Variants in ARK2C observed in about 807,000 individuals in gnomAD.
The protein encoded by ARK2C is E3 ubiquitin-protein ligase ARK2C.
At chr18:46,411,401 C>T in the ARK2C span, among the ~76,000 whole-genome samples, 6 of 152,180 alleles carry the variant, frequency 3.9e-5, no homozygotes, top group South Asian at 2.1e-4. Flanking sequence ...CTGAATAGGA[C>T]GTATGCTCTG....
At chr18:46,373,232 T>C in the ARK2C span, among the ~76,000 whole-genome samples, 1 of 152,260 alleles carries the variant, frequency 6.6e-6, no homozygotes, top group African/African-American at 2.4e-5. Context: ...GCTTGATCCC[T>C]GGCTCTTGGA....
At chr18:46,363,945 CTTT>C in the ARK2C span, among the ~76,000 whole-genome samples, 4 of 125,568 alleles carry the variant, frequency 3.2e-5, no homozygotes, top group Non-Finnish European at 6.7e-5. Context: ...TTTTTCTTTT[CTTT>C]TTTTTTTTTT....
the ARK2C span, among the ~76,000 whole-genome samples, chr18:46,449,501 G>A: frequency 2.0e-5 from 3 of 152,202 alleles, no homozygotes; most frequent in South Asian, 2.1e-4. Context: ...GCAGTGCAGA[G>A]TAGGAGTGAT....
At chr18:46,435,213 C>T in the ARK2C span, 106 of 1,340,114 alleles carry the variant, frequency 7.9e-5, 1 homozygote, top group South Asian at 2.6e-4. Context: ...CAGGCTGCCC[C>T]GGTTTCTCAG....
chr18:46,373,555 C>T, the ARK2C span, among the ~76,000 whole-genome samples: 6 of 152,198 alleles, frequency 3.9e-5, no homozygotes, highest in African/African-American at 7.2e-5. Context: ...GATGTGGTAA[C>T]GAGAGACAGC....
chr18:46,398,340 G>A, the ARK2C span, among the ~76,000 whole-genome samples: 7 of 151,924 alleles, frequency 4.6e-5, no homozygotes, highest in Non-Finnish European at 1.5e-5. Flanking sequence ...AGGTAGGGAG[G>A]GGGAGCGACA....
the ARK2C span, among the ~76,000 whole-genome samples, chr18:46,351,685 C>A: frequency 6.6e-6 from 1 of 152,254 alleles, no homozygotes; most frequent in East Asian, 1.9e-4. Flanking sequence ...TTTTATGAAA[C>A]CCCACTGAAA....
the ARK2C span, among the ~76,000 whole-genome samples, chr18:46,364,865 G>A: frequency 1.3e-5 from 2 of 152,164 alleles, no homozygotes; most frequent in African/African-American, 4.8e-5. Context: ...GGCCTCAGCA[G>A]GCGGCTGACT....
At chr18:46,395,145 A>G in the ARK2C span, among the ~76,000 whole-genome samples, 3 of 152,238 alleles carry the variant, frequency 2.0e-5, no homozygotes, top group Non-Finnish European at 4.4e-5. Context: ...TGGAGGGATT[A>G]AAAGATGGAA....
the ARK2C span, chr18:46,450,354 G>C: frequency 1.9e-6 from 3 of 1,613,984 alleles, no homozygotes; most frequent in South Asian, 3.3e-5. Flanking sequence ...GCTCTCCAGG[G>C]ACTAAATCCC....
chr18:46,338,824 C>G, the ARK2C span, among the ~76,000 whole-genome samples: 1 of 152,284 alleles, frequency 6.6e-6, no homozygotes, highest in Admixed American at 6.5e-5. Context: ...TGGAGCTGCT[C>G]CTCTTTTGGC....
chr18:46,393,978 G>A, the ARK2C span, among the ~76,000 whole-genome samples: 1 of 152,234 alleles, frequency 6.6e-6, no homozygotes, highest in Non-Finnish European at 1.5e-5. Context: ...GGAGGATGCA[G>A]TGGGGCTGGC....
At chr18:46,396,331 CTGGCTCAGTTCCTGGAAGCTCG>C in the ARK2C span, among the ~76,000 whole-genome samples, 2 of 152,178 alleles carry the variant, frequency 1.3e-5, no homozygotes, top group Admixed American at 6.5e-5. Context: ...ATCTGGTCTT[CTGGCTCAGTTCCTGGAAGCTCG>C]TGGCCCATCA....
At chr18:46,360,209 C>A in the ARK2C span, among the ~76,000 whole-genome samples, 1 of 152,206 alleles carries the variant, frequency 6.6e-6, no homozygotes, top group African/African-American at 2.4e-5. Flanking sequence ...GCTTCCTCCT[C>A]TCCCGCATGG....
the ARK2C span, chr18:46,456,082 T>G: frequency 6.4e-7 from 1 of 1,562,112 alleles, no homozygotes; most frequent in Non-Finnish European, 8.8e-7. Flanking sequence ...AGATGTGAGG[T>G]AGGAGACCGC....
At chr18:46,422,764 G>A in the ARK2C span, among the ~76,000 whole-genome samples, 2 of 152,184 alleles carry the variant, frequency 1.3e-5, no homozygotes, top group East Asian at 1.9e-4. Flanking sequence ...TCACACCCCC[G>A]CCCTTTGCTG....
the ARK2C span, among the ~76,000 whole-genome samples, chr18:46,365,186 G>T: frequency 6.6e-6 from 1 of 152,172 alleles, no homozygotes; most frequent in African/African-American, 2.4e-5. Flanking sequence ...ACTTAACCTG[G>T]CTGAAGGGGA....
At chr18:46,449,062 C>T in the ARK2C span, among the ~76,000 whole-genome samples, 1 of 152,172 alleles carries the variant, frequency 6.6e-6, no homozygotes, top group African/African-American at 2.4e-5. Context: ...TACTACATAC[C>T]AGGCACTGTT....
chr18:46,455,435 C>T, the ARK2C span, among the ~76,000 whole-genome samples: 4 of 152,178 alleles, frequency 2.6e-5, no homozygotes, highest in African/African-American at 9.6e-5. Context: ...TCTTTCTAAG[C>T]TCTGTATCCC....
Sources: gnomAD v4.1 joint callset for allele counts (sites outside exome capture counted in the v4.1 genomes callset) on GRCh38, gnomAD v4.1.1 for gene constraint, MANE v1.5 for transcripts, NCBI Gene and HGNC (gene_info 2026-07-23, HGNC 2026-07-21) for gene names.